The following CAPS2 variants were observed in gnomAD, a reference collection of about 807,000 sequenced individuals.
CAPS2 encodes calcyphosin-2.
In CAPS2, 98 loss-of-function variants were observed where a neutral mutation model predicts 86.5. The observed-to-expected ratio is 1.13, with a 90% CI of 0.96 to 1.34. The LOEUF is 1.34. Among genes scored for constraint, CAPS2 ranks in the 40% most tolerant of loss-of-function variants. The pLI is 0.00. For missense variants in CAPS2, 729 were observed against 686.8 expected (o/e 1.06, Z -0.69); for synonymous variants, 210 against 225.1 (o/e 0.93, Z 0.60).
intron 1 of CAPS2, among the ~76,000 whole-genome samples, chr12:75,359,455 G>A (rs919337031): frequency 1.6e-5 from 2 of 125,058 alleles, no homozygotes; most frequent in African/African-American, 6.0e-5. Context: ...TGTATAAATT[G>A]ACAAGTTGAT....
At chr12:75,382,378 G>A (rs1377616265) in intron 1 of CAPS2, among the ~76,000 whole-genome samples, 1 of 152,078 alleles carries the variant, frequency 6.6e-6, no homozygotes, top group Non-Finnish European at 1.5e-5. Flanking sequence ...GGTGGCTCAC[G>A]CCTATAATTC....
chr12:75,343,348 C>T (rs532360499), intron 1 of CAPS2, among the ~76,000 whole-genome samples: 5 of 151,932 alleles, frequency 3.3e-5, no homozygotes, highest in African/African-American at 1.2e-4. Context: ...AATGAGTATT[C>T]ATCCTTTAAT....
chr12:75,303,187 C>G (rs2038026332), intron 8 of CAPS2, among the ~76,000 whole-genome samples: 2 of 152,114 alleles, frequency 1.3e-5, no homozygotes, highest in African/African-American at 4.8e-5. Context: ...TAAAAAAAGA[C>G]AACTACAAAT....
At chr12:75,291,895 C>T in intron 12 of CAPS2, 75 bp from the exon 13 acceptor site, 1 of 544,836 alleles carries the variant, frequency 1.8e-6, no homozygotes, top group South Asian at 4.4e-5. Context: ...AACCTCTAAG[C>T]TCTTCCCTGC....
In CAPS2 at chr12:75,387,753, G is replaced by A. The variant is rs1291493662; in HGVS notation, c.-395+3085C>T. 5.9e-5 allele frequency among the ~76,000 whole-genome samples: 9 copies of A among 152,086 alleles called. No homozygotes were observed. The South Asian group carries it at 1.5e-3, about 25-fold the overall frequency. On this transcript the variant is annotated intron_variant, in intron 1 of 5. Coordinates refer to the CAPS2 transcript ENST00000551829. The stretch of plus-strand genomic sequence containing the variant: ...CTAATCCATTAACCCATTAATCTAC[G>A]AATGGATCAATACATTCATGAGGAC...
chr12:75,305,197 A>T (rs1593395271), intron 7 of CAPS2, among the ~76,000 whole-genome samples: 2 of 152,178 alleles, frequency 1.3e-5, no homozygotes, highest in South Asian at 4.1e-4. Context: ...AGGAGAGAAC[A>T]CAGGTAAAGT....
At chr12:75,369,785 G>A in intron 1 of CAPS2, 1 of 983,268 alleles carries the variant, frequency 1.0e-6, no homozygotes, top group Non-Finnish European at 1.2e-6. Context: ...TTGGTAGGAA[G>A]CATCGTAAAG....
chr12:75,333,926 A>G (rs2041523768), upstream of CAPS2: 1 of 152,212 alleles, frequency 6.6e-6, no homozygotes, highest in Admixed American at 6.5e-5. Flanking sequence ...AAGCCAAATG[A>G]CGTTGATTTA....
At chr12:75,278,788 G>T in exon 17 of CAPS2, 4 of 1,343,558 alleles carry the variant, frequency 3.0e-6, no homozygotes, top group East Asian at 2.8e-5. Flanking sequence ...CCAGAATAAA[G>T]GAAGTCCTAG....
At chr12:75,371,732 G>A (rs2044371504) in intron 1 of CAPS2, among the ~76,000 whole-genome samples, 2 of 152,120 alleles carry the variant, frequency 1.3e-5, no homozygotes, top group South Asian at 4.1e-4. Context: ...CATGATAAAG[G>A]AAAAATAGAG....
chr12:75,359,122 A>G (rs1211338031), intron 1 of CAPS2, among the ~76,000 whole-genome samples: 1 of 150,370 alleles, frequency 6.7e-6, no homozygotes, highest in African/African-American at 2.4e-5. Flanking sequence ...AGGATACAAA[A>G]TTAGTATACA....
exon 17 of CAPS2, chr12:75,278,504 T>A (rs2033295168): frequency 2.0e-6 from 2 of 988,430 alleles, no homozygotes; most frequent in African/African-American, 1.7e-5. Context: ...AAAAACAATG[T>A]GAAAGGACAG....
At chr12:75,318,632 G>C (rs2040009508) in intron 5 of CAPS2, among the ~76,000 whole-genome samples, 1 of 151,982 alleles carries the variant, frequency 6.6e-6, no homozygotes, top group Non-Finnish European at 1.5e-5. Flanking sequence ...CTTATCTAAA[G>C]GTCTCCCCTG....
At chr12:75,302,402 G>A (rs2138604588) in intron 8 of CAPS2, among the ~76,000 whole-genome samples, 2 of 152,314 alleles carry the variant, frequency 1.3e-5, no homozygotes, top group Middle Eastern at 6.8e-3. Flanking sequence ...AATATGTCAT[G>A]TCATAACCAT....
intron 1 of CAPS2, chr12:75,367,104 C>T (rs1593853735): frequency 1.3e-5 from 9 of 688,524 alleles, no homozygotes; most frequent in East Asian, 2.7e-5. Context: ...GGGGAGAAAA[C>T]GTAATGGAGA....
chr12:75,288,666 T>G lies in CAPS2; in HGVS notation c.1395+955A>C, dbSNP rs1051198278. 3.3e-5 allele frequency among the ~76,000 whole-genome samples: 5 copies of G among 152,250 alleles called. No homozygotes were observed. The East Asian group carries it at 9.6e-4, about 29-fold the overall frequency. On this transcript the variant is annotated intron_variant, in intron 14 of 16. Transcript: ENST00000393284. ...ACCCTCTTAGCATGACATGCAAGAC[T>G]TTAATGTACCAGACATTTCTCTCCA...
At chr12:75,387,863 A>G (rs1019169046) in intron 1 of CAPS2, among the ~76,000 whole-genome samples, 3 of 152,232 alleles carry the variant, frequency 2.0e-5, no homozygotes, top group Non-Finnish European at 2.9e-5. Flanking sequence ...AAAGGGACAA[A>G]TATCCAAACA....
upstream of CAPS2, among the ~76,000 whole-genome samples, chr12:75,328,591 C>A (rs529748018): frequency 2.0e-4 from 31 of 152,258 alleles, no homozygotes; most frequent in South Asian, 5.0e-3. Flanking sequence ...TAATGTATAG[C>A]AAAATACATG....
chr12:75,323,952 A>C (rs753861683), intron 2 of CAPS2, among the ~76,000 whole-genome samples: 1 of 152,168 alleles, frequency 6.6e-6, no homozygotes, highest in African/African-American at 2.4e-5. Context: ...GATTATTTAC[A>C]CTGAAATTGG....
Sources: gnomAD v4.1 joint callset for allele counts (sites outside exome capture counted in the v4.1 genomes callset) on GRCh38, gnomAD v4.1.1 for gene constraint, MANE v1.5 for transcripts, NCBI Gene and HGNC (gene_info 2026-07-23, HGNC 2026-07-21) for gene names.